MAPRE2: variants seen among roughly 807,000 people sequenced by gnomAD.
The protein encoded by MAPRE2 is microtubule-associated protein RP/EB family member 2.
A neutral mutation model predicts 43.2 loss-of-function variants in MAPRE2; 13 were observed. The observed-to-expected ratio is 0.30, with a 90% CI of 0.20 to 0.48. The LOEUF (loss-of-function observed/expected upper bound fraction) is 0.48, where lower values mean the gene tolerates loss of function less well. Ranked by LOEUF, MAPRE2 falls within the 20% of genes least tolerant of loss-of-function variation. The pLI, the probability that MAPRE2 is intolerant of heterozygous loss-of-function variation, is 0.99. For missense variants in MAPRE2, 161 were observed against 400.2 expected (o/e 0.40, Z 5.10); for synonymous variants, 135 against 148.8 (o/e 0.91, Z 0.68).
chr18:34,978,272 T>C (rs143797240), intron 1 of MAPRE2: 2 of 574,386 alleles, frequency 3.5e-6, no homozygotes, highest in East Asian at 6.1e-5. Context: ...AAGAGGTCAC[T>C]AAAAATACTA....
At position 35,053,921 on chromosome 18, in the gene MAPRE2, T is replaced by C. The variant is rs544460172; in HGVS notation, c.122+12260T>C. 1.5e-3 allele frequency among the ~76,000 whole-genome samples: 233 copies of C among 152,268 alleles called. 9 individuals are homozygous for C. The South Asian group carries it at 0.046, about 30-fold the overall frequency. ...TACCTATATAACAAACCTTCACATG[T>C]ACCCCCAAACCTAAAGTAAACATTT... is the stretch of plus-strand genomic sequence containing the variant. On this transcript the variant is annotated intron_variant, in intron 1 of 6. Coordinates refer to ENST00000300249, the MANE Select transcript of MAPRE2 (RefSeq NM_014268.4).
At chr18:35,127,140 TA>T in intron 5 of MAPRE2, 53 bp downstream of exon 5, 3 of 1,598,520 alleles carry the variant, frequency 1.9e-6, no homozygotes, top group Non-Finnish European at 2.6e-6. Context: ...GTGTAAGAGG[TA>T]GGGGGCCTAG....
chr18:34,997,593 A>G (rs1329189589), intron 1 of MAPRE2, among the ~76,000 whole-genome samples: 2 of 152,150 alleles, frequency 1.3e-5, no homozygotes, highest in Non-Finnish European at 2.9e-5. Context: ...AGGCGGGCGG[A>G]TCCCCTGAGG....
intron 4 of MAPRE2, among the ~76,000 whole-genome samples, chr18:35,123,892 G>A (rs1387173642): frequency 6.6e-6 from 1 of 152,204 alleles, no homozygotes; most frequent in Non-Finnish European, 1.5e-5. Context: ...TAGGGTTTAT[G>A]TTCATGGGAG....
At chr18:35,127,755 A>G (rs1160394543) in intron 5 of MAPRE2, 1 of 152,196 alleles carries the variant, frequency 6.6e-6, no homozygotes, top group African/African-American at 2.4e-5. Flanking sequence ...GGGATCTGAA[A>G]GGCCACAATT....
intron 1 of MAPRE2, among the ~76,000 whole-genome samples, chr18:35,047,468 T>G (rs1209494894): frequency 2.0e-5 from 3 of 152,190 alleles, no homozygotes; most frequent in Non-Finnish European, 4.4e-5. Flanking sequence ...ATCTTAGTGT[T>G]TCTGGCCCTT....
chr18:35,040,640 T>G (rs916843652), upstream of MAPRE2, among the ~76,000 whole-genome samples: 2 of 152,260 alleles, frequency 1.3e-5, no homozygotes, highest in Non-Finnish European at 2.9e-5. Flanking sequence ...CTTTTGTAAT[T>G]CAAATGGAAA....
chr18:35,100,245 T>C (rs1360230595), intron 3 of MAPRE2, among the ~76,000 whole-genome samples: 2 of 152,188 alleles, frequency 1.3e-5, no homozygotes, highest in Non-Finnish European at 2.9e-5. Flanking sequence ...CATAGCTAGA[T>C]ACCTTTCCAT....
At chr18:34,988,136 A>T (rs927230620) in intron 1 of MAPRE2, among the ~76,000 whole-genome samples, 4 of 152,166 alleles carry the variant, frequency 2.6e-5, no homozygotes, top group African/African-American at 9.7e-5. Flanking sequence ...CCACATATTC[A>T]TATACTTGTA....
intron 4 of MAPRE2, among the ~76,000 whole-genome samples, chr18:35,122,355 G>A (rs992503360): frequency 1.3e-5 from 2 of 151,956 alleles, no homozygotes; most frequent in East Asian, 3.9e-4. Context: ...CCCAAACCTC[G>A]GAAGATACTA....
Position 35,095,363 on chromosome 18 carries a change from T to TACACACACAC in MAPRE2, c.251-2054_251-2045dup, listed in dbSNP as rs34361204. 9.6e-3 allele frequency among the ~76,000 whole-genome samples: 1,305 copies of TACACACACAC among 136,144 alleles called. 12 individuals carry two copies. Among genetic ancestry groups the TACACACACAC allele is most frequent in the Non-Finnish European group, 0.015 (963 of 64,786 alleles). The allele number at this position is 136,144 out of a possible 152,430, so 89.3% of individuals were successfully genotyped here. On this transcript the variant is annotated intron_variant, in intron 2 of 6. Transcript: ENST00000300249. ...AAACAGGATCACATTTTTAAGAAAATACACACACACACACACACACACACA... is the reference window on the plus strand; with the variant it reads ...AAACAGGATCACATTTTTAAGAAAATACACACACACACACACACACACACACACACACACA...
intron 4 of MAPRE2, among the ~76,000 whole-genome samples, chr18:35,111,462 G>A (rs550599275): frequency 6.1e-4 from 93 of 152,138 alleles, no homozygotes; most frequent in Non-Finnish European, 1.0e-3. Flanking sequence ...ACATTTTCCT[G>A]GCTCTTTATA....
intron 5 of MAPRE2, among the ~76,000 whole-genome samples, chr18:35,129,529 G>A (rs78496133): frequency 1.3e-5 from 2 of 152,174 alleles, no homozygotes; most frequent in South Asian, 4.1e-4. Context: ...TCCCATGATA[G>A]AAATGAATCA....
chr18:35,131,916 T>C (rs531820766), intron 5 of MAPRE2, 116 bp from the exon 6 acceptor site: 1 of 1,038,158 alleles, frequency 9.6e-7, no homozygotes, highest in African/African-American at 1.6e-5. Context: ...ACTTACACAT[T>C]GGTTATTTCT....
At chr18:35,100,086 A>T (rs2144175260) in intron 3 of MAPRE2, among the ~76,000 whole-genome samples, 1 of 152,270 alleles carries the variant, frequency 6.6e-6, no homozygotes. Flanking sequence ...GCTTGTCTGA[A>T]TCACATGCTT....
At chr18:35,071,831 C>T (rs1374099463) in intron 2 of MAPRE2, among the ~76,000 whole-genome samples, 1 of 152,156 alleles carries the variant, frequency 6.6e-6, no homozygotes, top group African/African-American at 2.4e-5. Flanking sequence ...ATCATTTTTC[C>T]CACGAGGAAG....
At chr18:35,138,598 A>C (rs538068278) in intron 6 of MAPRE2, among the ~76,000 whole-genome samples, 3 of 152,298 alleles carry the variant, frequency 2.0e-5, no homozygotes, top group Middle Eastern at 3.4e-3. Context: ...TCACATTTCT[A>C]TTTACCATGT....
intron 2 of MAPRE2, among the ~76,000 whole-genome samples, chr18:35,072,238 G>T (rs1472726747): frequency 1.3e-5 from 2 of 152,160 alleles, no homozygotes; most frequent in Non-Finnish European, 2.9e-5. Context: ...ATACCCCTTT[G>T]TATTGTAATT....
chr18:34,986,748 A>C (rs2097021216), intron 1 of MAPRE2, among the ~76,000 whole-genome samples: 1 of 152,144 alleles, frequency 6.6e-6, no homozygotes, highest in African/African-American at 2.4e-5. Flanking sequence ...CTTCAAGATA[A>C]ATTTGGAGGT....
Sources: allele counts gnomAD v4.1 joint callset (sites outside exome capture counted in the v4.1 genomes callset), GRCh38; gene constraint gnomAD v4.1.1; transcripts MANE v1.5; gene names NCBI Gene and HGNC (gene_info 2026-07-23, HGNC 2026-07-21).